Variants in CELF2 observed in about 807,000 individuals in gnomAD.
The protein encoded by CELF2 is CUG triplet repeat RNA-binding protein 2.
In CELF2, 8 loss-of-function variants were observed where a neutral mutation model predicts 62.6. The ratio of observed to expected loss-of-function variants is 0.13; its 90% confidence interval spans 0.07 to 0.23. The LOEUF is 0.23. Ranked by LOEUF, CELF2 falls within the 10% of genes least tolerant of loss-of-function variation. The pLI is 1.00. For synonymous variants in CELF2, 258 were observed against 250.0 expected (o/e 1.03, Z -0.30); for missense variants, 333 against 671.0 (o/e 0.50, Z 5.56).
intron 2 of CELF2, among the ~76,000 whole-genome samples, chr10:10,955,163 T>C (rs2135833605): frequency 6.6e-6 from 1 of 152,364 alleles, no homozygotes; most frequent in East Asian, 1.9e-4. Flanking sequence ...GTTCTCTCCA[T>C]GTTATTGATG....
chr10:10,978,786 C>T (rs898100308), intron 2 of CELF2, among the ~76,000 whole-genome samples: 2 of 152,154 alleles, frequency 1.3e-5, no homozygotes, highest in Non-Finnish European at 2.9e-5. Flanking sequence ...AGAAAACAGG[C>T]AGATCTTTGA....
chr10:10,572,033 C>T, the CELF2 span, among the ~76,000 whole-genome samples: 3 of 152,032 alleles, frequency 2.0e-5, no homozygotes, highest in Non-Finnish European at 2.9e-5. Context: ...AGAATGTGGC[C>T]GTGGCCATGG....
chr10:11,192,957 A>T (rs1565203824), intron 2 of CELF2, among the ~76,000 whole-genome samples: 1 of 152,026 alleles, frequency 6.6e-6, no homozygotes, highest in Admixed American at 6.5e-5. Flanking sequence ...GTTTGGTGTT[A>T]CTCTCATTAC....
chr10:10,691,324 A>C, the CELF2 span, among the ~76,000 whole-genome samples: 3 of 150,762 alleles, frequency 2.0e-5, no homozygotes, highest in Non-Finnish European at 4.4e-5. Context: ...TGTCCCTACA[A>C]AGGACATGAA....
At chr10:10,862,105 T>A (rs2060075340) in intron 1 of CELF2, among the ~76,000 whole-genome samples, 1 of 152,334 alleles carries the variant, frequency 6.6e-6, no homozygotes, top group Non-Finnish European at 1.5e-5. Flanking sequence ...TTTGCAAGGC[T>A]GTAAGTTAAA....
the CELF2 span, among the ~76,000 whole-genome samples, chr10:10,766,307 G>A: frequency 6.6e-6 from 1 of 152,132 alleles, no homozygotes; most frequent in South Asian, 2.1e-4. Context: ...TGAGGCACAC[G>A]GAATAATGAG....
intron 5 of CELF2, among the ~76,000 whole-genome samples, chr10:11,259,430 A>T (rs1481258543): frequency 2.2e-5 from 1 of 46,488 alleles, no homozygotes; most frequent in South Asian, 7.0e-4. Flanking sequence ...AAGGTGGTTT[A>T]AAAAAAAAAA....
intron 8 of CELF2, among the ~76,000 whole-genome samples, chr10:11,281,113 C>CCCCA (rs2088507855): frequency 6.6e-6 from 1 of 152,030 alleles, no homozygotes; most frequent in African/African-American, 2.4e-5. Context: ...CAAGTCACTG[C>CCCCA]CCCACCCCCA....
Position 11,110,241 on chromosome 10 carries a change from T to G in CELF2, c.75-55245T>G, listed in dbSNP as rs984711796. On this transcript the variant is annotated intron_variant, in intron 1 of 12. Coordinates refer to ENST00000633077, the MANE Select transcript of CELF2 (RefSeq NM_001326342.2). The surrounding 1 kb of genome is among the most constrained non-coding windows in gnomAD (Gnocchi z 4.0). The stretch of plus-strand genomic sequence containing the variant: ...TGGAACCCTGAACGTCCTACCGCAC[T>G]CCAGCATGGGCGACAGAGCAAGACC... Among the ~76,000 whole-genome samples the G allele has an allele frequency of 1.2e-4, 18 of 151,998 alleles. No individual in the cohort carries two copies. The highest frequency in any genetic ancestry group is 3.6e-4 in the African/African-American group (15 of 41,384).
the CELF2 span, among the ~76,000 whole-genome samples, chr10:10,759,906 CT>C: frequency 2.0e-5 from 3 of 151,316 alleles, no homozygotes; most frequent in East Asian, 1.9e-4. Context: ...TTCTTAAAAT[CT>C]TTTTTTTTGT....
At chr10:11,234,118 G>A (rs1211171679) in intron 3 of CELF2, among the ~76,000 whole-genome samples, 1 of 152,210 alleles carries the variant, frequency 6.6e-6, no homozygotes, top group Non-Finnish European at 1.5e-5. Context: ...CACATTTGGT[G>A]TCTTATCCTG....
At chr10:11,071,831 A>G (rs1367973406) in intron 1 of CELF2, 1 of 152,206 alleles carries the variant, frequency 6.6e-6, no homozygotes, top group Non-Finnish European at 1.5e-5. Context: ...CGCAGGAACA[A>G]AACAGATCTG....
Position 11,046,819 on chromosome 10 carries a change from T to C in CELF2, c.74+28656T>C, listed in dbSNP as rs1439872159. On this transcript the variant is annotated intron_variant, in intron 1 of 12. Coordinates refer to ENST00000633077, the MANE Select transcript of CELF2 (RefSeq NM_001326342.2). This position sits in a 1 kb window ranked among gnomAD's most constrained non-coding sequence, Gnocchi z 4.6. Reference sequence around the variant, plus strand: ...TAAGCCCTTGGCTTGTTGCTTTATTTTCTAAAATTTTAAATTTCATCGAAA... The same window carrying C: ...TAAGCCCTTGGCTTGTTGCTTTATTCTCTAAAATTTTAAATTTCATCGAAA... 6.6e-6 allele frequency among the ~76,000 whole-genome samples: 1 copy of C among 152,236 alleles called. No individual in the cohort carries two copies. The highest frequency in any genetic ancestry group is 1.5e-5 in the Non-Finnish European group (1 of 68,046).
At chr10:10,911,566 T>C (rs1232666964) in intron 1 of CELF2, among the ~76,000 whole-genome samples, 1 of 152,238 alleles carries the variant, frequency 6.6e-6, no homozygotes, top group Non-Finnish European at 1.5e-5. Context: ...GCGCAGTGCA[T>C]TCCTGAGTAT....
intron 2 of CELF2, among the ~76,000 whole-genome samples, chr10:10,932,205 T>TA (rs926088335): frequency 3.1e-4 from 47 of 152,118 alleles, no homozygotes; most frequent in South Asian, 2.1e-4. Flanking sequence ...AAGATTCTAC[T>TA]AAAAAAATCC....
the CELF2 span, among the ~76,000 whole-genome samples, chr10:10,778,577 T>C: frequency 4.2e-3 from 638 of 152,350 alleles, 5 homozygotes; most frequent in African/African-American, 0.014. Flanking sequence ...TATTGCCCTT[T>C]TTATTACCCT....
At chr10:10,768,851 G>C in the CELF2 span, among the ~76,000 whole-genome samples, 2 of 152,098 alleles carry the variant, frequency 1.3e-5, no homozygotes, top group African/African-American at 4.8e-5. Context: ...TGGGATTACG[G>C]GCGTGAGCCA....
At chr10:11,252,336 A>G (rs2077394893) in intron 4 of CELF2, among the ~76,000 whole-genome samples, 1 of 152,238 alleles carries the variant, frequency 6.6e-6, no homozygotes, top group Admixed American at 6.5e-5. Context: ...ACGAGCTCTA[A>G]TTGCACTTTT....
the CELF2 span, among the ~76,000 whole-genome samples, chr10:10,570,312 GA>G: frequency 6.6e-6 from 1 of 151,870 alleles, no homozygotes; most frequent in Non-Finnish European, 1.5e-5. Context: ...GGCAAGGAAT[GA>G]ATTGAGATTA....
Sources: gnomAD v4.1 joint callset for allele counts (sites outside exome capture counted in the v4.1 genomes callset) on GRCh38, gnomAD v4.1.1 for gene constraint, Gnocchi (gnomAD v3.1) non-coding constraint, MANE v1.5 for transcripts, NCBI Gene and HGNC (gene_info 2026-07-23, HGNC 2026-07-21) for gene names.